The following RGS6 variants were observed in gnomAD, a reference collection of about 807,000 sequenced individuals.
The protein encoded by RGS6 is regulator of G-protein signaling 6.
In RGS6, 30 loss-of-function variants were observed where a neutral mutation model predicts 78.5. That is an observed-to-expected ratio of 0.38 (90% CI 0.29 to 0.52). The LOEUF (loss-of-function observed/expected upper bound fraction) is 0.52. RGS6 is among the 20% of genes least tolerant of loss of function. The pLI is 0.85. For missense variants in RGS6, 495 were observed against 609.7 expected (o/e 0.81, Z 1.98); for synonymous variants, 206 against 206.0 (o/e 1.00, Z 0.00).
chr14:72,309,625 T>C (rs1026854216), intron 2 of RGS6, among the ~76,000 whole-genome samples: 23 of 152,250 alleles, frequency 1.5e-4, no homozygotes, highest in African/African-American at 5.5e-4. Context: ...TTGATAAATA[T>C]AGTTTTATTA....
intron 2 of RGS6, among the ~76,000 whole-genome samples, chr14:72,225,268 G>C (rs148844645): frequency 1.2e-4 from 18 of 152,234 alleles, no homozygotes; most frequent in African/African-American, 4.3e-4. Flanking sequence ...AGTGGCCCTT[G>C]GCTTGTTTTG....
At chr14:72,244,497 G>A (rs934644939) in intron 2 of RGS6, among the ~76,000 whole-genome samples, 1 of 152,182 alleles carries the variant, frequency 6.6e-6, no homozygotes, top group Non-Finnish European at 1.5e-5. Flanking sequence ...CCGGATCTTA[G>A]TGTCATCTTT....
At chr14:72,509,368 A>AG (rs370345392) in intron 13 of RGS6, among the ~76,000 whole-genome samples, 34 of 105,036 alleles carry the variant, frequency 3.2e-4, no homozygotes, top group African/African-American at 1.1e-3. Flanking sequence ...CCATCTCAAG[A>AG]AAAAAAAAAA....
chr14:71,979,139 T>C (rs1403649974), intron 2 of RGS6, among the ~76,000 whole-genome samples: 174 of 149,394 alleles, frequency 1.2e-3, no homozygotes, highest in African/African-American at 4.1e-3. Flanking sequence ...TTGTGTCTAT[T>C]TGATTCTTCT....
chr14:72,413,249 C>T (rs1339798658), intron 3 of RGS6, among the ~76,000 whole-genome samples: 1 of 152,200 alleles, frequency 6.6e-6, no homozygotes, highest in Non-Finnish European at 1.5e-5. Flanking sequence ...AATCTGGGTG[C>T]TCCTGTATTA....
At chr14:72,542,932 A>G (rs1163698088) in intron 17 of RGS6, among the ~76,000 whole-genome samples, 3 of 152,202 alleles carry the variant, frequency 2.0e-5, no homozygotes, top group Non-Finnish European at 4.4e-5. Flanking sequence ...TTTTAGGGCC[A>G]TGTTAGTTTG....
the RGS6 span, among the ~76,000 whole-genome samples, chr14:71,915,942 A>G: frequency 1.3e-3 from 197 of 152,348 alleles, no homozygotes; most frequent in African/African-American, 4.3e-3. Context: ...GGGAAGGCAC[A>G]GCAAGAATGT....
chr14:72,415,563 C>T (rs2093745243), intron 3 of RGS6, among the ~76,000 whole-genome samples: 1 of 152,270 alleles, frequency 6.6e-6, no homozygotes, highest in Non-Finnish European at 1.5e-5. Context: ...CACTGTCCAG[C>T]ACTACCCAGT....
At chr14:72,175,619 C>T (rs2097094720) in intron 2 of RGS6, among the ~76,000 whole-genome samples, 1 of 152,294 alleles carries the variant, frequency 6.6e-6, no homozygotes, top group Middle Eastern at 3.4e-3. Flanking sequence ...TGTAAACTAT[C>T]CTGGAACACA....
chr14:72,075,794 T>C (rs531199564), intron 2 of RGS6, among the ~76,000 whole-genome samples: 15 of 152,330 alleles, frequency 9.8e-5, no homozygotes, highest in African/African-American at 3.6e-4. Context: ...CTTTCTGTCC[T>C]GGTACCTTAC....
chr14:72,239,558 C>T (rs750796474), intron 2 of RGS6, among the ~76,000 whole-genome samples: 5 of 152,152 alleles, frequency 3.3e-5, no homozygotes, highest in African/African-American at 9.7e-5. Context: ...TCTCCTGCCC[C>T]GCTCATGCCT....
chr14:72,285,519 T>C (rs1364146456), intron 2 of RGS6, among the ~76,000 whole-genome samples: 1 of 152,208 alleles, frequency 6.6e-6, no homozygotes, highest in Admixed American at 6.5e-5. Flanking sequence ...TTAAACCTCT[T>C]TTTCCTTATA....
chr14:72,562,658 G>A lies in RGS6; in HGVS notation c.*191G>A. The stretch of plus-strand genomic sequence containing the variant: ...GGAGACCAGAAAGAAAGAGTCCACA[G>A]AGCCTGGGCTGGGCCCGGTGGAGGC... On this transcript the variant is annotated 3_prime_UTR_variant, in exon 18 of 18. Coordinates refer to ENST00000553525, the MANE Select transcript of RGS6 (RefSeq NM_001204424.2). 6.5e-7 allele frequency: 1 copy of A among 1,536,132 alleles called. No homozygotes were observed. Among genetic ancestry groups the A allele is most frequent in the Non-Finnish European group, 8.7e-7 (1 of 1,146,900 alleles).
At chr14:72,282,371 T>G (rs2061725032) in intron 2 of RGS6, among the ~76,000 whole-genome samples, 1 of 152,180 alleles carries the variant, frequency 6.6e-6, no homozygotes, top group Non-Finnish European at 1.5e-5. Context: ...GTAACAGGTT[T>G]CCGTGAACCA....
intron 2 of RGS6, among the ~76,000 whole-genome samples, chr14:72,165,240 A>G (rs1046306056): frequency 6.6e-6 from 1 of 152,252 alleles, no homozygotes. Context: ...TGAGATGCCC[A>G]TGCAGCGTCT....
chr14:72,057,112 G>A (rs187516936), intron 2 of RGS6, among the ~76,000 whole-genome samples: 1 of 151,816 alleles, frequency 6.6e-6, no homozygotes, highest in Non-Finnish European at 1.5e-5. Flanking sequence ...TCAGGAGTTC[G>A]AGACCAGCCT....
chr14:72,344,966 A>G (rs1051914313), intron 2 of RGS6, among the ~76,000 whole-genome samples: 8 of 152,208 alleles, frequency 5.3e-5, no homozygotes, highest in African/African-American at 1.7e-4. Context: ...CCCCATTTCC[A>G]TTCTCCTCTT....
intron 12 of RGS6, among the ~76,000 whole-genome samples, chr14:72,492,917 C>T (rs928391777): frequency 6.6e-6 from 1 of 152,206 alleles, no homozygotes; most frequent in Non-Finnish European, 1.5e-5. Context: ...GCAACAGACA[C>T]CATCTGGCCC....
Position 72,304,009 on chromosome 14 carries a change from G to A in RGS6, c.85-48086G>A, listed in dbSNP as rs999053026. The stretch of plus-strand genomic sequence containing the variant: ...GTTCCTCTATCATCTGGGCCTGCTG[G>A]GCCGTACCCATTCCTCAACCTAACA... On this transcript the variant is annotated intron_variant, in intron 2 of 17. Transcript: ENST00000553525. Among the ~76,000 whole-genome samples, 5 of 152,290 alleles carry A rather than the reference G, an allele frequency of 3.3e-5. No homozygotes were observed. The South Asian group carries it at 1.0e-3, about 32-fold the overall frequency.
Sources: allele counts gnomAD v4.1 joint callset (sites outside exome capture counted in the v4.1 genomes callset), GRCh38; gene constraint gnomAD v4.1.1; transcripts MANE v1.5; gene names NCBI Gene and HGNC (gene_info 2026-07-23, HGNC 2026-07-21).